TSC22D4: variants seen among roughly 807,000 people sequenced by gnomAD.
The protein encoded by TSC22D4 is TSC22 domain family protein 4.
Under a neutral mutation model 24.9 loss-of-function variants are expected in TSC22D4, and 5 were observed. The ratio of observed to expected loss-of-function variants is 0.20; its 90% CI spans 0.10 to 0.42. TSC22D4 has a LOEUF of 0.42. TSC22D4 is among the 10% of genes least tolerant of loss of function. The pLI is 1.00. For missense variants in TSC22D4, 469 were observed against 547.9 expected, an observed-to-expected ratio of 0.86 and a Z score of 1.44; for synonymous variants, 245 against 243.2, an observed-to-expected ratio of 1.01 and a Z score of -0.07.
In TSC22D4 at chr7:100,477,744, C is replaced by G; in HGVS notation, c.295G>C (p.Asp99His). 1 of 1,603,584 alleles carries G rather than the reference C, an allele frequency of 6.2e-7. No individual in the cohort carries two copies. Among genetic ancestry groups the G allele is most frequent in the South Asian group, 1.1e-5 (1 of 90,984 alleles). The change falls in exon 2 of 5, where the codon GAC (aspartate) becomes CAC (histidine). Residue 99 changes from aspartate (D) to histidine (H), a missense_variant. Coordinates refer to ENST00000300181, the MANE Select transcript of TSC22D4 (RefSeq NM_030935.5). This position sits in a 1 kb window ranked among gnomAD's most constrained non-coding sequence, Gnocchi z 7.8. ...CCGCCGAAGCTGTGGGGCTCCAGGTCTCGCTCATAAACATCCACACACGTC... is the reference window on the plus strand; with the variant it reads ...CCGCCGAAGCTGTGGGGCTCCAGGTGTCGCTCATAAACATCCACACACGTC... ...RWTCVDVYER[D>H]LEPHSFGGLL...
chr7:100,476,813 C>G (rs1016017799), intron 2 of TSC22D4, among the ~76,000 whole-genome samples: 40 of 152,152 alleles, frequency 2.6e-4, no homozygotes, highest in African/African-American at 9.7e-4. Flanking sequence ...AAAGAAAGAC[C>G]CCCACATTCA....
At chr7:100,467,473 TA>T in intron 4 of TSC22D4, 78 bp downstream of exon 4, 1 of 1,487,362 alleles carries the variant, frequency 6.7e-7, no homozygotes, top group Non-Finnish European at 9.4e-7. Context: ...TGTTCCCTGG[TA>T]AGGAAGAGGA....
chr7:100,472,381 G>T (rs529988047), intron 3 of TSC22D4, among the ~76,000 whole-genome samples: 1 of 151,304 alleles, frequency 6.6e-6, no homozygotes, highest in East Asian at 1.9e-4. Context: ...GCTGGGAACC[G>T]GACCGGTCAG....
rs199994463 is a variant in TSC22D4 at position 100,466,967 on chromosome 7, A to G, written c.1180T>C (p.Ser394Pro). ...TGTAAGGGAAGGGAGGCTCAGACGG[A>G]GGGCCCATTGGGCGCAGGGGGCCCA... is the stretch of plus-strand genomic sequence containing the variant. ...RLGPPAPNGP[S>P]V is the part of the protein sequence containing the mutation. Residue 394 changes from serine (S) to proline (P), a missense_variant, in exon 5 of 5, where the codon TCC becomes CCC. Coordinates refer to ENST00000300181, the MANE Select transcript of TSC22D4 (RefSeq NM_030935.5). 134 of 1,566,620 alleles carry G rather than the reference A, an allele frequency of 8.6e-5. No homozygotes were observed. The African/African-American group carries it at 1.6e-3, about 18-fold the overall frequency.
intron 3 of TSC22D4, among the ~76,000 whole-genome samples, chr7:100,470,200 C>T (rs931410969): frequency 6.6e-6 from 1 of 152,156 alleles, no homozygotes; most frequent in Non-Finnish European, 1.5e-5. Flanking sequence ...TGGGCAGAGA[C>T]TCAGGGGTAA....
chr7:100,471,773 ACCT>A (rs1315828104), intron 3 of TSC22D4, among the ~76,000 whole-genome samples: 3 of 151,640 alleles, frequency 2.0e-5, no homozygotes, highest in Non-Finnish European at 4.4e-5. Flanking sequence ...ACAAAAAAAA[ACCT>A]CCTTCTCTGA....
At chr7:100,468,498 G>A (rs1266518427) in intron 3 of TSC22D4, among the ~76,000 whole-genome samples, 1 of 152,122 alleles carries the variant, frequency 6.6e-6, no homozygotes, top group Admixed American at 6.5e-5. Flanking sequence ...GATCATGAGC[G>A]CTCTCCCACC....
At chr7:100,468,434 A>C (rs2131040772) in intron 3 of TSC22D4, among the ~76,000 whole-genome samples, 1 of 152,172 alleles carries the variant, frequency 6.6e-6, no homozygotes, top group Admixed American at 6.5e-5. Flanking sequence ...CTTGGGAAAG[A>C]GGGTGGAGGT....
chr7:100,466,883 G>T lies in TSC22D4; in HGVS notation c.*76C>A, dbSNP rs1799287228. ...ACCCCGGGGACACGGGGACATTAAA[G>T]CTGCATAGGAAGAGGGGGCAGGCGG... is the stretch of plus-strand genomic sequence containing the variant. On this transcript the variant is annotated 3_prime_UTR_variant, in exon 5 of 5. Coordinates refer to ENST00000300181, the MANE Select transcript of TSC22D4 (RefSeq NM_030935.5). The T allele has an allele frequency of 1.4e-5, 20 of 1,382,484 alleles. No individual in the cohort carries two copies. The highest frequency in any genetic ancestry group is 1.9e-5 in the Non-Finnish European group (20 of 1,029,946). 85.6% of individuals were successfully genotyped at this position (1,382,484 alleles called of 1,614,324 possible).
intron 1 of TSC22D4, among the ~76,000 whole-genome samples, 154 bp downstream of exon 1, chr7:100,478,640 G>A (rs1799562958): frequency 6.6e-6 from 1 of 152,084 alleles, no homozygotes; most frequent in Admixed American, 6.6e-5. Flanking sequence ...CCAGGGCCTG[G>A]GAGAACCAGG....
chr7:100,469,614 G>A (rs1423956570), intron 3 of TSC22D4, among the ~76,000 whole-genome samples: 3 of 152,102 alleles, frequency 2.0e-5, no homozygotes, highest in Non-Finnish European at 4.4e-5. Context: ...TTGCCCTGAG[G>A]CTCCCGACCC....
chr7:100,477,216 G>A lies in TSC22D4; in HGVS notation c.762+61C>T. Reference sequence around the variant, plus strand: ...AGGAGAGGGGGGGGAGGAGGAGGAAGGAGGCTCAAGATAGAGGTTAGGCCA... The same window carrying A: ...AGGAGAGGGGGGGGAGGAGGAGGAAAGAGGCTCAAGATAGAGGTTAGGCCA... On this transcript the variant is annotated intron_variant, in intron 2 of 4. Coordinates refer to ENST00000300181, the MANE Select transcript of TSC22D4 (RefSeq NM_030935.5). This position sits in a 1 kb window ranked among gnomAD's most constrained non-coding sequence, Gnocchi z 7.8. The A allele has an allele frequency of 7.7e-7, 1 of 1,303,130 alleles. No individual in the cohort carries two copies. The highest frequency in any genetic ancestry group is 1.0e-6 in the Non-Finnish European group (1 of 994,728). The allele number at this position is 1,303,130 out of a possible 1,614,324, so 80.7% of individuals were successfully genotyped here. A position where few individuals can be genotyped will look rare whatever the true frequency, so the allele number is the denominator to read the frequency against.
At chr7:100,469,548 C>T (rs1799356094) in intron 3 of TSC22D4, among the ~76,000 whole-genome samples, 1 of 152,092 alleles carries the variant, frequency 6.6e-6, no homozygotes, top group African/African-American at 2.4e-5. Context: ...TGCGCAGGCC[C>T]TTGTGCTGAC....
chr7:100,475,970 C>A (rs944014743), intron 2 of TSC22D4, among the ~76,000 whole-genome samples: 1 of 151,552 alleles, frequency 6.6e-6, no homozygotes, highest in Non-Finnish European at 1.5e-5. Context: ...GGGAGACAGA[C>A]TTTTGGGCAA....
At chr7:100,468,029 C>A (rs1251379811) in intron 3 of TSC22D4, 2 of 454,028 alleles carry the variant, frequency 4.4e-6, no homozygotes, top group Admixed American at 2.7e-5. Context: ...GCCCCCCGGG[C>A]AGAGCAGGGT....
At position 100,474,145 on chromosome 7, in the gene TSC22D4, T is replaced by G; in HGVS notation, c.929+129A>C. 2 of 1,262,452 alleles carry G rather than the reference T, an allele frequency of 1.6e-6. No individual in the cohort carries two copies. Among genetic ancestry groups the G allele is most frequent in the Non-Finnish European group, 2.2e-6 (2 of 906,522 alleles). 78.2% of individuals were successfully genotyped at this position (1,262,452 alleles called of 1,614,324 possible). ...TGCAGTGGCTATGCCCAGGCCAGGT[T>G]TCTCTAAGAGGTCCTCTCCAAGTTC... On this transcript the variant is annotated intron_variant, in intron 3 of 4. Transcript: ENST00000300181. The surrounding 1 kb of genome is among the most constrained non-coding windows in gnomAD (Gnocchi z 4.3).
Position 100,477,174 on chromosome 7 carries a change from A to G in TSC22D4, c.762+103T>C, listed in dbSNP as rs1799511720. 1 of 1,027,656 alleles carries G rather than the reference A, an allele frequency of 9.7e-7. No homozygotes were observed. The highest frequency in any genetic ancestry group is 1.7e-5 in the African/African-American group (1 of 59,572). 63.7% of individuals were successfully genotyped at this position (1,027,656 alleles called of 1,614,324 possible). A position where few individuals can be genotyped will look rare whatever the true frequency, so the allele number is the denominator to read the frequency against. On this transcript the variant is annotated intron_variant, in intron 2 of 4. Transcript: ENST00000300181. This position sits in a 1 kb window ranked among gnomAD's most constrained non-coding sequence, Gnocchi z 7.8. ...AGAAGAGGGCTATCTGATCTTATAAAGTGATGGAGAAGGAGGAGGAGAGGG... is the reference window on the plus strand; with the variant it reads ...AGAAGAGGGCTATCTGATCTTATAAGGTGATGGAGAAGGAGGAGGAGAGGG...
intron 3 of TSC22D4, chr7:100,468,171 T>G: frequency 3.2e-6 from 1 of 308,750 alleles, no homozygotes. Context: ...CCCCCTCCTT[T>G]CAGCTCCTCG....
rs915761047 is a variant in TSC22D4 at position 100,474,106 on chromosome 7, C to T, written c.929+168G>A. 7.3e-6 allele frequency: 6 copies of T among 826,096 alleles called. No homozygotes were observed. Among genetic ancestry groups the T allele is most frequent in the South Asian group, 7.1e-5 (4 of 56,674 alleles). The allele number at this position is 826,096 out of a possible 1,614,324, so 51.2% of individuals were successfully genotyped here. A position where few individuals can be genotyped will look rare whatever the true frequency, so the allele number is the denominator to read the frequency against. Reference sequence around the variant, plus strand: ...CCTCTCCACAGAGAGGGAGTGGGTCCGAAATCAACTGTGTGCAGTGGCTAT... The same window carrying T: ...CCTCTCCACAGAGAGGGAGTGGGTCTGAAATCAACTGTGTGCAGTGGCTAT... On this transcript the variant is annotated intron_variant, in intron 3 of 4. Transcript: ENST00000300181. The surrounding 1 kb of genome is among the most constrained non-coding windows in gnomAD (Gnocchi z 4.3).
Sources: allele counts gnomAD v4.1 joint callset (sites outside exome capture counted in the v4.1 genomes callset), GRCh38; gene constraint gnomAD v4.1.1; non-coding constraint Gnocchi (gnomAD v3.1); transcripts MANE v1.5; gene names NCBI Gene and HGNC (gene_info 2026-07-23, HGNC 2026-07-21).